CNTN5: variants seen among roughly 807,000 people sequenced by gnomAD.
CNTN5 encodes contactin 5, also known as contactin-5.
A neutral mutation model predicts 129.1 loss-of-function variants in CNTN5; 77 were observed. The ratio of observed to expected loss-of-function variants is 0.60; its 90% CI spans 0.50 to 0.72. The LOEUF (loss-of-function observed/expected upper bound fraction) is 0.72, where lower values mean the gene tolerates loss of function less well. Ranked by LOEUF, CNTN5 falls within the 30% of genes least tolerant of loss-of-function variation. The pLI is 0.00. For synonymous variants in CNTN5, 509 were observed against 465.6 expected (o/e 1.09, Z -1.20); for missense variants, 1,478 against 1,328.8 (o/e 1.11, Z -1.75).
At chr11:99,685,823 C>A (rs955347649) in intron 3 of CNTN5, among the ~76,000 whole-genome samples, 5 of 151,978 alleles carry the variant, frequency 3.3e-5, no homozygotes, top group Admixed American at 6.6e-5. Flanking sequence ...GGATTCAAAT[C>A]ATCTACATTT....
intron 7 of CNTN5, among the ~76,000 whole-genome samples, chr11:99,919,633 A>C (rs913110707): frequency 2.0e-5 from 3 of 152,062 alleles, no homozygotes; most frequent in South Asian, 2.1e-4. Flanking sequence ...CACGCATTTT[A>C]AGTGTACAGT....
intron 1 of CNTN5, among the ~76,000 whole-genome samples, chr11:99,210,625 C>A (rs1396094201): frequency 6.6e-6 from 1 of 151,984 alleles, no homozygotes; most frequent in Non-Finnish European, 1.5e-5. Flanking sequence ...GGTCCAAATA[C>A]CCTTCTCAAA....
At chr11:99,960,263 C>G in intron 8 of CNTN5, among the ~76,000 whole-genome samples, 1 of 152,078 alleles carries the variant, frequency 6.6e-6, no homozygotes, top group Non-Finnish European at 1.5e-5. Context: ...TTCTACTGCT[C>G]TTTTAACTCG....
chr11:100,066,692 A>C (rs981793280), intron 10 of CNTN5, among the ~76,000 whole-genome samples: 3 of 151,978 alleles, frequency 2.0e-5, no homozygotes, highest in African/African-American at 2.4e-5. Flanking sequence ...GTTTGTTTTA[A>C]ATGTGGCCCA....
At chr11:99,039,494 T>C (rs1863899575) in intron 1 of CNTN5, among the ~76,000 whole-genome samples, 2 of 152,038 alleles carry the variant, frequency 1.3e-5, no homozygotes, top group Non-Finnish European at 2.9e-5. Context: ...TCACTTTGCC[T>C]CAATAGAAAA....
chr11:100,238,874 T>C (rs1157013542), intron 16 of CNTN5, among the ~76,000 whole-genome samples: 1 of 152,224 alleles, frequency 6.6e-6, no homozygotes, highest in Non-Finnish European at 1.5e-5. Context: ...GTGTCCATCT[T>C]ATTTAATTAC....
rs73550165 is a variant in CNTN5, at chr11:99,030,576, T to C, written c.-210+9306T>C. On this transcript the variant is annotated intron_variant, in intron 1 of 24. Coordinates refer to ENST00000524871, the MANE Select transcript of CNTN5 (RefSeq NM_014361.4). ...ACAAAATTATTTAGAGCATAGATTC[T>C]ATTTTGTAAGTAGAGGAAGATATTT... is the stretch of plus-strand genomic sequence containing the variant. 2.1e-3 allele frequency among the ~76,000 whole-genome samples: 324 copies of C among 152,298 alleles called. 3 individuals are homozygous for C. The highest frequency in any genetic ancestry group is 7.6e-3 in the African/African-American group (316 of 41,570).
intron 2 of CNTN5, among the ~76,000 whole-genome samples, chr11:99,490,505 A>G (rs545630627): frequency 3.9e-5 from 6 of 152,178 alleles, no homozygotes; most frequent in Non-Finnish European, 8.8e-5. Flanking sequence ...GTCAAATAAT[A>G]GATTATTTTT....
At chr11:99,716,859 T>G (rs575633306) in intron 3 of CNTN5, among the ~76,000 whole-genome samples, 1 of 152,224 alleles carries the variant, frequency 6.6e-6, no homozygotes, top group African/African-American at 2.4e-5. Flanking sequence ...ACGAAAGTAT[T>G]TTATGTTCAA....
At chr11:99,544,013 T>C (rs1211960898) in intron 2 of CNTN5, among the ~76,000 whole-genome samples, 1 of 151,948 alleles carries the variant, frequency 6.6e-6, no homozygotes, top group African/African-American at 2.4e-5. Context: ...TGTTAAACTA[T>C]TCTTGTGTTG....
rs148257045 is a variant in CNTN5, at chr11:99,683,199, A to G, written c.55+126930A>G. ...TTTTTATTGTTAGTACTTCTCTATC[A>G]TGTTTCAGAAATCTCCCTTCACCGC... On this transcript the variant is annotated intron_variant, in intron 3 of 24. Coordinates refer to ENST00000524871, the MANE Select transcript of CNTN5 (RefSeq NM_014361.4). 4.1e-3 allele frequency among the ~76,000 whole-genome samples: 628 copies of G among 151,844 alleles called. 8 individuals carry two copies. Among genetic ancestry groups the G allele is most frequent in the African/African-American group, 0.014 (571 of 41,442 alleles).
At position 99,793,068 on chromosome 11, in the gene CNTN5, T is replaced by G. The variant is rs189920489; in HGVS notation, c.56-26476T>G. On this transcript the variant is annotated intron_variant, in intron 3 of 24. Coordinates refer to ENST00000524871, the MANE Select transcript of CNTN5 (RefSeq NM_014361.4). The stretch of plus-strand genomic sequence containing the variant: ...TAGCAGTCTATCTATCTTATTAATT[T>G]TTTTTTTTTTCGACACAGTCTCACT... Among the ~76,000 whole-genome samples, 225 of 151,614 alleles carry G rather than the reference T, an allele frequency of 1.5e-3. 1 individual carries two copies. The highest frequency in any genetic ancestry group is 5.3e-3 in the African/African-American group (219 of 41,106).
chr11:100,031,864 AC>A (rs1941729133), intron 9 of CNTN5, among the ~76,000 whole-genome samples: 1 of 152,036 alleles, frequency 6.6e-6, no homozygotes, highest in South Asian at 2.1e-4. Flanking sequence ...TCACTAACCT[AC>A]CCCTGCCCTC....
At chr11:99,852,004 C>G (rs1947888772) in intron 6 of CNTN5, among the ~76,000 whole-genome samples, 1 of 152,142 alleles carries the variant, frequency 6.6e-6, no homozygotes. Flanking sequence ...TCATTAGTCT[C>G]TGAGGCTTAG....
intron 2 of CNTN5, among the ~76,000 whole-genome samples, chr11:99,518,546 A>T (rs1222933535): frequency 6.6e-6 from 1 of 152,056 alleles, no homozygotes; most frequent in Non-Finnish European, 1.5e-5. Context: ...TTTACTTCCA[A>T]AAGGAAGTAG....
chr11:99,991,618 A>C (rs1235181599), intron 8 of CNTN5, among the ~76,000 whole-genome samples: 1 of 152,226 alleles, frequency 6.6e-6, no homozygotes, highest in African/African-American at 2.4e-5. Context: ...GCTGACATGC[A>C]ACCAACACTG....
At chr11:100,000,360 A>G (rs1228828603) in intron 8 of CNTN5, among the ~76,000 whole-genome samples, 1 of 152,134 alleles carries the variant, frequency 6.6e-6, no homozygotes. Flanking sequence ...TGCACATACA[A>G]AACCCAGCAA....
chr11:100,340,725 T>C, intron 22 of CNTN5, 76 bp downstream of exon 22: 1 of 1,295,860 alleles, frequency 7.7e-7, no homozygotes. Flanking sequence ...CCACGTGAGG[T>C]GCATAATAAG....
chr11:99,578,765 C>G (rs942575823), intron 3 of CNTN5, among the ~76,000 whole-genome samples: 2 of 152,078 alleles, frequency 1.3e-5, no homozygotes, highest in African/African-American at 4.8e-5. Flanking sequence ...AAAATTTTCT[C>G]CCATTCTGTA....
Sources: allele counts gnomAD v4.1 joint callset (sites outside exome capture counted in the v4.1 genomes callset), GRCh38; gene constraint gnomAD v4.1.1; transcripts MANE v1.5; gene names NCBI Gene and HGNC (gene_info 2026-07-23, HGNC 2026-07-21).